Variants in DKK3 observed in about 807,000 individuals in gnomAD.
The protein encoded by DKK3 is dickkopf Wnt signaling pathway inhibitor 3, also known as dickkopf-related protein 3.
In DKK3, 22 loss-of-function variants were observed where a neutral mutation model predicts 33.2. The observed-to-expected ratio is 0.66, with a 90% CI of 0.47 to 0.95. The LOEUF (loss-of-function observed/expected upper bound fraction) is 0.95, where lower values mean the gene tolerates loss of function less well. Among genes scored for constraint, DKK3 ranks in the 40% least tolerant of loss-of-function variants. DKK3 has a pLI of 0.00. For missense variants in DKK3, 398 were observed against 458.4 expected (o/e 0.87, Z 1.20); for synonymous variants, 194 against 188.8 (o/e 1.03, Z -0.23).
chr11:11,993,137 C>T (rs1564919895), intron 3 of DKK3, among the ~76,000 whole-genome samples: 1 of 152,044 alleles, frequency 6.6e-6, no homozygotes. Context: ...AAAGTATTTG[C>T]AAAACCATTC....
intron 3 of DKK3, among the ~76,000 whole-genome samples, chr11:11,985,268 G>C: frequency 6.6e-6 from 1 of 152,186 alleles, no homozygotes; most frequent in Non-Finnish European, 1.5e-5. Flanking sequence ...CACACCACCA[G>C]GGTTGCCCCG....
chr11:11,982,324 G>A (rs932568696), intron 3 of DKK3, among the ~76,000 whole-genome samples: 8 of 152,076 alleles, frequency 5.3e-5, no homozygotes, highest in Non-Finnish European at 1.0e-4. Context: ...TGGGTGACAC[G>A]TCAGGTCTCC....
At chr11:12,005,442 T>A (rs949443370) in intron 1 of DKK3, among the ~76,000 whole-genome samples, 3 of 152,074 alleles carry the variant, frequency 2.0e-5, no homozygotes, top group Non-Finnish European at 4.4e-5. Flanking sequence ...CTAAAATGAG[T>A]GAGTTACAGA....
intron 5 of DKK3, 143 bp from the exon 6 acceptor site, chr11:11,966,108 AG>A: frequency 1.9e-6 from 2 of 1,048,538 alleles, no homozygotes; most frequent in Non-Finnish European, 2.7e-6. Flanking sequence ...ACGGAATGAC[AG>A]GAAACAAGAA....
rs140440041 is a variant in DKK3, at chr11:12,003,969, G to A, written c.214-1532C>T. ...CTCAACAAGGACTTAGTCAGTGGCC[G>A]GATTCTGTGCTGGATTCTGAGATGG... On this transcript the variant is annotated intron_variant, in intron 1 of 6. Transcript: ENST00000683431. Among the ~76,000 whole-genome samples the A allele has an allele frequency of 5.5e-3, 834 of 152,208 alleles. 11 individuals carry two copies. The highest frequency in any genetic ancestry group is 0.019 in the African/African-American group (774 of 41,526).
At chr11:11,997,091 G>C (rs1341456247) in intron 3 of DKK3, among the ~76,000 whole-genome samples, 2 of 152,244 alleles carry the variant, frequency 1.3e-5, no homozygotes, top group African/African-American at 2.4e-5. Flanking sequence ...TCGTTGAAAG[G>C]GTGGAGGGGG....
In DKK3 at chr11:11,964,323, A is replaced by G. The variant is rs908604989; in HGVS notation, c.*141T>C. 9.4e-7 allele frequency: 1 copy of G among 1,060,626 alleles called. No individual in the cohort carries two copies. Among genetic ancestry groups the G allele is most frequent in the Middle Eastern group, 2.9e-4 (1 of 3,414 alleles). 65.7% of individuals were successfully genotyped at this position (1,060,626 alleles called of 1,614,324 possible). A position where few individuals can be genotyped will look rare whatever the true frequency, so the allele number is the denominator to read the frequency against. ...TGGGGGAGCTGAACAAATGCACAACACCTCATGCTGTCAAGCCAGAGGGGA... is the reference window on the plus strand; with the variant it reads ...TGGGGGAGCTGAACAAATGCACAACGCCTCATGCTGTCAAGCCAGAGGGGA... On this transcript the variant is annotated 3_prime_UTR_variant, in exon 7 of 7. Transcript: ENST00000683431.
chr11:11,978,489 T>TTCC (rs57066410), intron 3 of DKK3, among the ~76,000 whole-genome samples: 18 of 44,724 alleles, frequency 4.0e-4, no homozygotes, highest in Non-Finnish European at 5.5e-4. Flanking sequence ...TTTCTTCCTC[T>TTCC]TCTTCTTCTT....
intron 2 of DKK3, among the ~76,000 whole-genome samples, chr11:11,999,990 A>T (rs1848388493): frequency 6.6e-6 from 1 of 152,238 alleles, no homozygotes; most frequent in Non-Finnish European, 1.5e-5. Context: ...CCAGCTTTTT[A>T]TAGAATTAAC....
intron 3 of DKK3, chr11:11,978,792 C>A (rs1847894120): frequency 6.6e-6 from 1 of 152,234 alleles, no homozygotes; most frequent in Admixed American, 6.5e-5. Context: ...ATATTATTCC[C>A]AGAGCTGTCC....
chr11:11,969,186 C>T (rs1847671067), intron 3 of DKK3, among the ~76,000 whole-genome samples: 1 of 152,200 alleles, frequency 6.6e-6, no homozygotes, highest in African/African-American at 2.4e-5. Flanking sequence ...GAACAGGGAG[C>T]CATGGCCGAG....
intron 6 of DKK3, among the ~76,000 whole-genome samples, chr11:11,965,238 G>A (rs1451589265): frequency 6.6e-6 from 1 of 152,246 alleles, no homozygotes; most frequent in Non-Finnish European, 1.5e-5. Flanking sequence ...TTACAGGTGT[G>A]AGCCACTGCA....
intron 1 of DKK3, among the ~76,000 whole-genome samples, chr11:12,004,787 T>C (rs1848503192): frequency 6.6e-6 from 1 of 152,224 alleles, no homozygotes; most frequent in African/African-American, 2.4e-5. Context: ...TACACAGCTG[T>C]TTTTATCCCG....
chr11:11,993,845 C>T (rs1367777373), intron 3 of DKK3, among the ~76,000 whole-genome samples: 1 of 152,172 alleles, frequency 6.6e-6, no homozygotes, highest in Non-Finnish European at 1.5e-5. Flanking sequence ...TCTGCAGAAA[C>T]CAGTATCACC....
chr11:11,967,783 C>G (rs756993695), intron 4 of DKK3, among the ~76,000 whole-genome samples: 1 of 152,222 alleles, frequency 6.6e-6, no homozygotes, highest in Non-Finnish European at 1.5e-5. Flanking sequence ...TCTCCTTTGC[C>G]CTGGCTCCAC....
At chr11:11,994,061 C>G (rs1848241108) in intron 3 of DKK3, among the ~76,000 whole-genome samples, 1 of 152,160 alleles carries the variant, frequency 6.6e-6, no homozygotes, top group Non-Finnish European at 1.5e-5. Context: ...GCACATCACT[C>G]AGAGAGCGAG....
At chr11:11,991,373 C>A (rs564615372) in intron 3 of DKK3, among the ~76,000 whole-genome samples, 3 of 152,236 alleles carry the variant, frequency 2.0e-5, no homozygotes, top group Non-Finnish European at 4.4e-5. Flanking sequence ...GGGGCAGATC[C>A]CTTATGAGTG....
At chr11:11,985,003 G>C (rs943245947) in intron 3 of DKK3, among the ~76,000 whole-genome samples, 14 of 152,176 alleles carry the variant, frequency 9.2e-5, no homozygotes, top group African/African-American at 3.4e-4. Flanking sequence ...TTCAGTGGTG[G>C]AAAAACATAT....
upstream of DKK3, chr11:12,009,593 C>T (rs1015176938): frequency 1.4e-5 from 14 of 985,962 alleles, no homozygotes; most frequent in East Asian, 1.6e-3. Context: ...AGGCTTGCAA[C>T]AGCCCACCGA....
Sources: allele counts gnomAD v4.1 joint callset (sites outside exome capture counted in the v4.1 genomes callset), GRCh38; gene constraint gnomAD v4.1.1; transcripts MANE v1.5; gene names NCBI Gene and HGNC (gene_info 2026-07-23, HGNC 2026-07-21).